The following CCDC38 variants were observed in gnomAD, a reference collection of about 807,000 sequenced individuals.
The protein encoded by CCDC38 is coiled-coil domain-containing protein 38.
CCDC38 carries 69 observed loss-of-function variants against 72.8 expected under a neutral mutation model. That is an observed-to-expected ratio of 0.95 (90% confidence interval 0.78 to 1.16). The LOEUF (loss-of-function observed/expected upper bound fraction) is 1.16. Ranked by LOEUF, CCDC38 falls within the 50% of genes most tolerant of loss-of-function variation. The probability of loss-of-function intolerance (pLI) is 0.00; values close to 1 mark genes in which losing one functional copy is unlikely to be tolerated. For synonymous variants in CCDC38, 201 were observed against 213.2 expected (o/e 0.94, Z 0.50); for missense variants, 626 against 638.9 (o/e 0.98, Z 0.22).
Position 95,879,812 on chromosome 12 carries a change from G to A in CCDC38, c.991-17C>T, listed in dbSNP as rs183773768. 3.9e-4 allele frequency: 613 copies of A among 1,568,112 alleles called. 1 individual carries two copies. The highest frequency in any genetic ancestry group is 9.9e-4 in the South Asian group (84 of 84,972). On this transcript the variant is annotated splice_polypyrimidine_tract_variant and intron_variant, in intron 11 of 15. Transcript: ENST00000344280. This position sits in a 1 kb window ranked among gnomAD's most constrained non-coding sequence, Gnocchi z 5.5. ...TGCTGGCTCCTAATTAATCAATAAT[G>A]AAGAATATAATTTACTTAAAAATAT...
intron 2 of CCDC38, among the ~76,000 whole-genome samples, chr12:95,927,783 C>G (rs1296510076): frequency 6.6e-6 from 1 of 150,808 alleles, no homozygotes; most frequent in African/African-American, 2.4e-5. Flanking sequence ...TATTTTATTT[C>G]TCCTTCACTT....
At position 95,898,656 on chromosome 12, in the gene CCDC38, T is replaced by C. The variant is rs1347739615; in HGVS notation, c.445A>G (p.Lys149Glu). ...TCATCTTGGAGCTTTTTCTCTGCTT[T>C]TTTTAGTTGCCGTTCCCTCATTGCT... ...DIAMRERQLK[K>E]AEKKLQDDAL... is the part of the protein sequence containing the mutation. The change falls in exon 6 of 16, where the codon AAA (lysine) becomes GAA (glutamate). Residue 149 changes from lysine (K) to glutamate (E), a missense_variant. By Grantham distance (56) the Lys-to-Glu change is moderately conservative. Coordinates refer to ENST00000344280, the MANE Select transcript of CCDC38 (RefSeq NM_182496.3). The C allele has an allele frequency of 6.8e-6, 11 of 1,614,110 alleles. No homozygotes were observed. The Admixed American group carries it at 1.8e-4, about 27-fold the overall frequency.
intron 5 of CCDC38, among the ~76,000 whole-genome samples, chr12:95,902,923 C>A (rs1291597461): frequency 6.6e-6 from 1 of 151,956 alleles, no homozygotes; most frequent in Non-Finnish European, 1.5e-5. Context: ...AAGAAAGACG[C>A]CTGGGATTTG....
At chr12:95,929,464 G>A (rs569596687) in intron 2 of CCDC38, among the ~76,000 whole-genome samples, 4 of 152,134 alleles carry the variant, frequency 2.6e-5, no homozygotes, top group African/African-American at 7.2e-5. Flanking sequence ...AGATGAACCC[G>A]GTACCTCAGA....
intron 4 of CCDC38, among the ~76,000 whole-genome samples, chr12:95,914,057 C>T (rs975306024): frequency 9.2e-5 from 14 of 152,330 alleles, no homozygotes; most frequent in African/African-American, 3.4e-4. Flanking sequence ...GGAGTGGTGG[C>T]CCATGCCTGT....
chr12:95,868,650 G>A (rs1013671218), intron 15 of CCDC38, among the ~76,000 whole-genome samples: 1 of 152,124 alleles, frequency 6.6e-6, no homozygotes, highest in Non-Finnish European at 1.5e-5. Flanking sequence ...ATCAGCATCC[G>A]CAATAGCTTT....
rs751808434 is a variant in CCDC38, at chr12:95,881,471, T to G, written c.990+14A>C. On this transcript the variant is annotated intron_variant, in intron 11 of 15. Coordinates refer to ENST00000344280, the MANE Select transcript of CCDC38 (RefSeq NM_182496.3). ...CAAACCCAATATTTAAACTAGCAAA[T>G]ATAATCTGGTTACCAAATCAACGTC... is the stretch of plus-strand genomic sequence containing the variant. The G allele has an allele frequency of 6.3e-7, 1 of 1,595,394 alleles. No homozygotes were observed. The highest frequency in any genetic ancestry group is 8.6e-7 in the Non-Finnish European group (1 of 1,166,934).
At chr12:95,904,054 T>C (rs1055752333) in intron 5 of CCDC38, among the ~76,000 whole-genome samples, 1 of 136,944 alleles carries the variant, frequency 7.3e-6, no homozygotes, top group Non-Finnish European at 1.6e-5. Context: ...TCAATTTCTT[T>C]AAGAGACATA....
At position 95,881,493 on chromosome 12, in the gene CCDC38, C is replaced by G. The variant is rs118134418; in HGVS notation, c.982G>C (p.Val328Leu). 2 of 1,606,786 alleles carry G rather than the reference C, an allele frequency of 1.2e-6. No individual in the cohort carries two copies. Among genetic ancestry groups the G allele is most frequent in the Non-Finnish European group, 1.7e-6 (2 of 1,176,044 alleles). Residue 328 changes from valine (V) to leucine (L), a missense_variant, in exon 11 of 16, where the codon GTT becomes CTT. By Grantham distance (32) the Val-to-Leu change is conservative. Coordinates refer to ENST00000344280, the MANE Select transcript of CCDC38 (RefSeq NM_182496.3). ...LEFLLDDEMD[V>L]DLEPALYFKE... ...AAATATAATCTGGTTACCAAATCAA[C>G]GTCCATTTCATCATCTAAAAGGAAT...
intron 1 of CCDC38, among the ~76,000 whole-genome samples, chr12:95,940,073 G>C (rs777921618): frequency 6.6e-6 from 1 of 151,938 alleles, no homozygotes; most frequent in Non-Finnish European, 1.5e-5. Flanking sequence ...CTCATAGTAG[G>C]CTTGTGAAGA....
chr12:95,921,228 TTCTC>T (rs1190545765), intron 2 of CCDC38, among the ~76,000 whole-genome samples: 2 of 152,320 alleles, frequency 1.3e-5, no homozygotes, highest in Middle Eastern at 3.4e-3. Context: ...CAAAAAAACT[TTCTC>T]TCTCTTTATT....
intron 15 of CCDC38, among the ~76,000 whole-genome samples, chr12:95,868,476 G>C (rs1299985955): frequency 1.3e-5 from 2 of 152,152 alleles, no homozygotes; most frequent in Admixed American, 1.3e-4. Flanking sequence ...CCTTTTTTAA[G>C]ATGAAGTATT....
chr12:95,891,634 C>T (rs1278393701), intron 8 of CCDC38, among the ~76,000 whole-genome samples: 4 of 152,192 alleles, frequency 2.6e-5, no homozygotes, highest in African/African-American at 7.2e-5. Flanking sequence ...AAGATGGAGC[C>T]ACCGCACCTG....
intron 13 of CCDC38, among the ~76,000 whole-genome samples, chr12:95,877,051 A>T (rs966390794): frequency 6.6e-6 from 1 of 152,126 alleles, no homozygotes; most frequent in African/African-American, 2.4e-5. Context: ...TTAAGATTAA[A>T]CAAGTTTTAT....
chr12:95,879,550 G>T lies in CCDC38; in HGVS notation c.1142+94C>A. 1 of 819,650 alleles carries T rather than the reference G, an allele frequency of 1.2e-6. No individual in the cohort carries two copies. The highest frequency in any genetic ancestry group is 1.9e-6 in the Non-Finnish European group (1 of 519,998). 50.8% of individuals were successfully genotyped at this position (819,650 alleles called of 1,614,324 possible). On this transcript the variant is annotated intron_variant, in intron 12 of 15. Coordinates refer to ENST00000344280, the MANE Select transcript of CCDC38 (RefSeq NM_182496.3). This position sits in a 1 kb window ranked among gnomAD's most constrained non-coding sequence, Gnocchi z 5.5. ...AAAAACCCCAGCCTACATTCACAGAGACCACGAGGAAGAGCCACATGTGAG... is the reference window on the plus strand; with the variant it reads ...AAAAACCCCAGCCTACATTCACAGATACCACGAGGAAGAGCCACATGTGAG...
At chr12:95,942,683 G>T (rs2080466807), upstream of CCDC38, 1 of 152,328 alleles carries the variant, frequency 6.6e-6, no homozygotes, top group South Asian at 2.1e-4. Context: ...CCCACCCCCA[G>T]GTTCCCTCGG....
intron 4 of CCDC38, among the ~76,000 whole-genome samples, chr12:95,907,168 G>A (rs2080014090): frequency 6.8e-6 from 1 of 146,106 alleles, no homozygotes; most frequent in African/African-American, 2.6e-5. Context: ...AGGATCCCAA[G>A]GCAGAAGAAT....
rs185999247 is a variant in CCDC38, at chr12:95,909,033, G to A, written c.305-2582C>T. Among the ~76,000 whole-genome samples the A allele has an allele frequency of 6.1e-3, 933 of 151,940 alleles. 8 individuals carry two copies. Among genetic ancestry groups the A allele is most frequent in the African/African-American group, 0.021 (875 of 41,432 alleles). On this transcript the variant is annotated intron_variant, in intron 4 of 15. Transcript: ENST00000344280. ...TGTAACTGTAGCTAGCAGAAGAAAA[G>A]AAATAACTAAAATCAGAGCAGAACT...
intron 3 of CCDC38, 141 bp downstream of exon 3, chr12:95,918,735 T>C (rs1179166882): frequency 3.3e-6 from 2 of 607,496 alleles, no homozygotes; most frequent in East Asian, 5.5e-5. Context: ...GTGTTCACAC[T>C]GTCTCCCCAT....
Sources: gnomAD v4.1 joint callset for allele counts (sites outside exome capture counted in the v4.1 genomes callset) on GRCh38, gnomAD v4.1.1 for gene constraint, Gnocchi (gnomAD v3.1) non-coding constraint, MANE v1.5 for transcripts, NCBI Gene and HGNC (gene_info 2026-07-23, HGNC 2026-07-21) for gene names.